TBX21: variants seen among roughly 807,000 people sequenced by gnomAD.
TBX21 encodes T-box transcription factor TBX21.
TBX21 carries 11 observed loss-of-function variants against 52.2 expected under a neutral mutation model. The observed-to-expected ratio is 0.21, with a 90% confidence interval of 0.13 to 0.35. TBX21 has a LOEUF of 0.35. Ranked by LOEUF, TBX21 falls within the 10% of genes least tolerant of loss-of-function variation. The pLI is 1.00. For missense variants in TBX21, 625 were observed against 755.1 expected, an observed-to-expected ratio of 0.83 and a Z score of 2.02; for synonymous variants, 300 against 316.1, an observed-to-expected ratio of 0.95 and a Z score of 0.54.
chr17:47,744,456 G>A, intron 4 of TBX21, 26 bp from the exon 5 acceptor site: 2 of 1,614,126 alleles, frequency 1.2e-6, no homozygotes, highest in African/African-American at 1.3e-5. Context: ...TCAGGACTCA[G>A]GTGACTCTAT....
chr17:47,742,978 T>C lies in TBX21; in HGVS notation c.647-93T>C. 6.4e-7 allele frequency: 1 copy of C among 1,563,062 alleles called. No homozygotes were observed. The highest frequency in any genetic ancestry group is 1.2e-5 in the South Asian group (1 of 82,472). On this transcript the variant is annotated intron_variant, in intron 2 of 5. Transcript: ENST00000177694. The surrounding 1 kb of genome is among the most constrained non-coding windows in gnomAD (Gnocchi z 4.4). ...TTCCCTGCCTGGTCCTCCCCCTGTGTCCTTCCTTACGTCCCTCTCGGGACA... is the reference window on the plus strand; with the variant it reads ...TTCCCTGCCTGGTCCTCCCCCTGTGCCCTTCCTTACGTCCCTCTCGGGACA...
At position 47,742,881 on chromosome 17, in the gene TBX21, C is replaced by A; in HGVS notation, c.646+117C>A. The A allele has an allele frequency of 6.8e-7, 1 of 1,465,784 alleles. No individual in the cohort carries two copies. The highest frequency in any genetic ancestry group is 2.4e-5 in the East Asian group (1 of 41,602). 90.8% of individuals were successfully genotyped at this position (1,465,784 alleles called of 1,614,324 possible). A position where few individuals can be genotyped will look rare whatever the true frequency, so the allele number is the denominator to read the frequency against. On this transcript the variant is annotated intron_variant, in intron 2 of 5. Coordinates refer to ENST00000177694, the MANE Select transcript of TBX21 (RefSeq NM_013351.2). This position sits in a 1 kb window ranked among gnomAD's most constrained non-coding sequence, Gnocchi z 4.4. ...CCTTTAACCCCCTCCCACTCCATCC[C>A]ACGCCATTGCATCCCTCCTGTTTCT...
chr17:47,734,589 GT>G (rs2032183845), intron 1 of TBX21, among the ~76,000 whole-genome samples: 1 of 140,442 alleles, frequency 7.1e-6, no homozygotes, highest in African/African-American at 2.7e-5. Flanking sequence ...GTGTGTGTGT[GT>G]GTGTGTGTGT....
intron 1 of TBX21, among the ~76,000 whole-genome samples, chr17:47,739,913 G>T: frequency 6.6e-6 from 1 of 151,384 alleles, no homozygotes; most frequent in Non-Finnish European, 1.5e-5. Context: ...TAAAAAAAAA[G>T]AAAGAAAAAA....
At chr17:47,740,635 CA>C (rs2032258123) in intron 1 of TBX21, among the ~76,000 whole-genome samples, 1 of 152,148 alleles carries the variant, frequency 6.6e-6, no homozygotes, top group Admixed American at 6.5e-5. Flanking sequence ...GAGGCTGAGG[CA>C]GGAGAATCAC....
chr17:47,734,020 T>C (rs1460057884), intron 1 of TBX21, 75 bp downstream of exon 1: 1 of 1,603,616 alleles, frequency 6.2e-7, no homozygotes, highest in East Asian at 2.2e-5. Flanking sequence ...TTTTTCTGGC[T>C]CGACAATGCT....
At position 47,743,258 on chromosome 17, in the gene TBX21, C is replaced by A. The variant is rs953463052; in HGVS notation, c.768+66C>A. ...CACCCTGGGTCTGAGACCTCCAAGGCCACAAGGGTCCTGCGGGGCCAGTTT... is the reference window on the plus strand; with the variant it reads ...CACCCTGGGTCTGAGACCTCCAAGGACACAAGGGTCCTGCGGGGCCAGTTT... On this transcript the variant is annotated intron_variant, in intron 3 of 5. Transcript: ENST00000177694. 1.5e-4 allele frequency: 245 copies of A among 1,588,696 alleles called. 1 individual carries two copies. The highest frequency in any genetic ancestry group is 2.3e-5 in the Non-Finnish European group (27 of 1,167,730).
chr17:47,734,048 C>G lies in TBX21; in HGVS notation c.491+103C>G, dbSNP rs2032174535. On this transcript the variant is annotated intron_variant, in intron 1 of 5. Transcript: ENST00000177694. ...ACAATGCTTCTGACTCCGTGTCCCT[C>G]ACTGCTTTGGCTTCAGCGTAGGGAG... 7 of 1,572,184 alleles carry G rather than the reference C, an allele frequency of 4.5e-6. No individual in the cohort carries two copies. In the Admixed American group the frequency reaches 1.2e-4, roughly 28 times the overall value.
At chr17:47,743,817 T>C (rs1306886456) in intron 3 of TBX21, among the ~76,000 whole-genome samples, 1 of 146,764 alleles carries the variant, frequency 6.8e-6, no homozygotes, top group African/African-American at 2.6e-5. Context: ...GAGGCAGAGG[T>C]TACAGTGAGC....
intron 1 of TBX21, among the ~76,000 whole-genome samples, chr17:47,738,897 G>A (rs540077312): frequency 2.0e-5 from 3 of 152,266 alleles, no homozygotes; most frequent in African/African-American, 7.2e-5. Flanking sequence ...CACCACGCCG[G>A]GCCAATATTA....
In TBX21 at chr17:47,742,857, C is replaced by T. The variant is rs922073804; in HGVS notation, c.646+93C>T. ...AAGCCCCTACCCCTAATTCCTAGAC[C>T]TTTAACCCCCTCCCACTCCATCCCA... is the stretch of plus-strand genomic sequence containing the variant. On this transcript the variant is annotated intron_variant, in intron 2 of 5. Transcript: ENST00000177694. The surrounding 1 kb of genome is among the most constrained non-coding windows in gnomAD (Gnocchi z 4.4). 6 of 1,471,502 alleles carry T rather than the reference C, an allele frequency of 4.1e-6. No individual in the cohort carries two copies. Among genetic ancestry groups the T allele is most frequent in the Non-Finnish European group, 5.4e-6 (6 of 1,110,590 alleles). 91.2% of individuals were successfully genotyped at this position (1,471,502 alleles called of 1,614,324 possible). A position where few individuals can be genotyped will look rare whatever the true frequency, so the allele number is the denominator to read the frequency against.
At position 47,742,709 on chromosome 17, in the gene TBX21, G is replaced by T; in HGVS notation, c.591G>T (p.Trp197Cys). The T allele has an allele frequency of 6.3e-7, 1 of 1,592,080 alleles. No homozygotes were observed. The highest frequency in any genetic ancestry group is 2.3e-5 in the East Asian group (1 of 44,154). Residue 197 changes from tryptophan to cysteine, a missense_variant, in exon 2 of 6, where the codon TGG (tryptophan) becomes TGT (cysteine). Trp to Cys is a radical substitution (Grantham distance 215, BLOSUM62 -2). This residue lies in a region of TBX21 where 142 missense variants were observed against 258.5 expected (regional missense o/e 0.55). Transcript: ENST00000177694. The surrounding 1 kb of genome is among the most constrained non-coding windows in gnomAD (Gnocchi z 4.4). ...VDVVLVDQHH[W>C]RYQSGKWVQC... Reference sequence around the variant, plus strand: ...TGGTCTTGGTGGACCAGCACCACTGGCGGTACCAGAGCGGCAAGTGGGTGC... The same window carrying T: ...TGGTCTTGGTGGACCAGCACCACTGTCGGTACCAGAGCGGCAAGTGGGTGC...
At chr17:47,734,599 GT>G (rs1567918922) in intron 1 of TBX21, among the ~76,000 whole-genome samples, 4 of 128,186 alleles carry the variant, frequency 3.1e-5, no homozygotes, top group African/African-American at 1.2e-4. Flanking sequence ...GTGTGTGTGT[GT>G]GTGTGTGTGT....
rs1381062623 is a variant in TBX21, at chr17:47,745,818, G to C, written c.*452G>C. The C allele has an allele frequency of 6.3e-6, 1 of 158,208 alleles. No homozygotes were observed. Among genetic ancestry groups the C allele is most frequent in the Non-Finnish European group, 1.4e-5 (1 of 71,656 alleles). 9.8% of individuals were successfully genotyped at this position (158,208 alleles called of 1,614,324 possible). Reference sequence around the variant, plus strand: ...CCTGATCCAAAAAGAACAAATACACGTATGTTATAACCATCAGCCCGCCAG... The same window carrying C: ...CCTGATCCAAAAAGAACAAATACACCTATGTTATAACCATCAGCCCGCCAG... On this transcript the variant is annotated 3_prime_UTR_variant, in exon 6 of 6. Transcript: ENST00000177694.
chr17:47,740,504 C>T (rs756880207), intron 1 of TBX21, among the ~76,000 whole-genome samples: 14 of 152,070 alleles, frequency 9.2e-5, no homozygotes, highest in African/African-American at 2.7e-4. Flanking sequence ...AAACCTGAGG[C>T]GGGTAGACCA....
chr17:47,741,563 T>C (rs1416946772), intron 1 of TBX21, among the ~76,000 whole-genome samples: 2 of 152,192 alleles, frequency 1.3e-5, no homozygotes, highest in Non-Finnish European at 2.9e-5. Flanking sequence ...AACTAGGATG[T>C]GTGCAACTTC....
At chr17:47,737,880 C>A (rs2032223592) in intron 1 of TBX21, among the ~76,000 whole-genome samples, 1 of 152,218 alleles carries the variant, frequency 6.6e-6, no homozygotes, top group Admixed American at 6.5e-5. Flanking sequence ...CCGCCTCGGC[C>A]TCTCAAAGTG....
Position 47,745,129 on chromosome 17 carries a change from A to T in TBX21, c.1371A>T (p.Glu457Asp). The T allele has an allele frequency of 6.2e-7, 1 of 1,613,990 alleles. No individual in the cohort carries two copies. Among genetic ancestry groups the T allele is most frequent in the South Asian group, 1.1e-5 (1 of 91,070 alleles). ...WFRPMRTLPM[E>D]PGPGGSEGRG... is the part of the protein sequence containing the mutation. ...GCCCTATGCGGACTCTGCCCATGGA[A>T]CCCGGCCCTGGAGGCTCAGAGGGAC... is the stretch of plus-strand genomic sequence containing the variant. The change falls in exon 6 of 6, where the codon GAA becomes GAT. Residue 457 changes from glutamate to aspartate, a missense_variant. This residue lies in a region of TBX21 where 261 missense variants were observed against 275.1 expected (regional missense o/e 0.95). Coordinates refer to ENST00000177694, the MANE Select transcript of TBX21 (RefSeq NM_013351.2).
intron 1 of TBX21, among the ~76,000 whole-genome samples, chr17:47,740,448 T>C (rs1460605103): frequency 6.6e-6 from 1 of 151,784 alleles, no homozygotes; most frequent in Non-Finnish European, 1.5e-5. Flanking sequence ...GAAACTGAGA[T>C]TTGGGCTGGG....
Sources: allele counts gnomAD v4.1 joint callset (sites outside exome capture counted in the v4.1 genomes callset), GRCh38; gene constraint gnomAD v4.1.1; regional missense constraint gnomAD v4.1.1; non-coding constraint Gnocchi (gnomAD v3.1); transcripts MANE v1.5; gene names NCBI Gene and HGNC (gene_info 2026-07-23, HGNC 2026-07-21).